Variants in HAUS7 observed in about 807,000 individuals in gnomAD.
HAUS7 encodes HAUS augmin-like complex subunit 7.
In HAUS7, 3 loss-of-function variants were observed where a neutral mutation model predicts 28.4. The ratio of observed to expected loss-of-function variants is 0.11; its 90% CI spans 0.05 to 0.27. The LOEUF (loss-of-function observed/expected upper bound fraction) is 0.27, where lower values mean the gene tolerates loss of function less well. Among genes scored for constraint, HAUS7 ranks in the 10% least tolerant of loss-of-function variants. The pLI is 1.00. For missense variants in HAUS7, 284 were observed against 297.3 expected (o/e 0.96, Z 0.33); for synonymous variants, 165 against 132.1 (o/e 1.25, Z -1.71).
intron 4 of HAUS7, among the ~76,000 whole-genome samples, chrX:153,457,532 A>G (rs1182670180): frequency 8.8e-6 from 1 of 113,352 alleles, no homozygotes; most frequent in Non-Finnish European, 1.9e-5. Context: ...CTGGGTGGGC[A>G]GGCAGCACAC....
At chrX:153,453,879 G>T (rs2089268845) in intron 9 of HAUS7, among the ~76,000 whole-genome samples, 2 of 107,251 alleles carry the variant, frequency 1.9e-5, no homozygotes, top group African/African-American at 6.8e-5. Flanking sequence ...GAGTACTGTG[G>T]CGTGACCTCA....
intron 4 of HAUS7, among the ~76,000 whole-genome samples, chrX:153,458,989 C>G (rs2089352511): frequency 8.9e-6 from 1 of 111,846 alleles, no homozygotes; most frequent in African/African-American, 3.3e-5. Context: ...AACTCCTGAG[C>G]TCAAGCGATC....
upstream of HAUS7, chrX:153,470,813 GGGCGGGGCGGACACCGGGAAGGA>G (rs1458723756): frequency 8.8e-4 from 379 of 433,034 alleles, 5 homozygotes; most frequent in African/African-American, 8.3e-3. Context: ...ACAGGGAAGG[GGGCGGGGCGGACACCGGGAAGGA>G]GGCGGGGCGG....
chrX:153,481,021 G>A, intron 1 of HAUS7: 2 of 754,557 alleles, frequency 2.7e-6, no homozygotes, highest in Non-Finnish European at 3.1e-6. Context: ...AACTGGCCAG[G>A]ACAGGCGGCC....
intron 1 of HAUS7, chrX:153,482,653 G>C: frequency 2.7e-6 from 2 of 745,347 alleles, no homozygotes; most frequent in South Asian, 6.8e-5. Flanking sequence ...GGGCAGGCAG[G>C]GGTTCTAGAG....
chrX:153,489,091 C>G (rs1251899916), intron 1 of HAUS7, among the ~76,000 whole-genome samples: 1 of 112,912 alleles, frequency 8.9e-6, no homozygotes, highest in Non-Finnish European at 1.9e-5. Context: ...CTCAGCCAAC[C>G]TGCACTCCGA....
chrX:153,469,345 G>A lies in HAUS7; in HGVS notation c.109-84C>T, dbSNP rs144491760. ...TTATTTATTTATTTATTTTTGAGACGGAGTCTCACTCTGTCGCCCAGCCTG... is the reference window on the plus strand; with the variant it reads ...TTATTTATTTATTTATTTTTGAGACAGAGTCTCACTCTGTCGCCCAGCCTG... On this transcript the variant is annotated intron_variant, in intron 1 of 9. Transcript: ENST00000370211. 3.2e-4 allele frequency: 156 copies of A among 481,037 alleles called. 1 individual carries two copies. The highest frequency in any genetic ancestry group is 3.2e-3 in the African/African-American group (132 of 41,368). The allele number at this position is 481,037 out of a possible 1,213,427, so 39.6% of individuals were successfully genotyped here.
chrX:153,486,491 C>G (rs2089638688), intron 1 of HAUS7: 1 of 450,756 alleles, frequency 2.2e-6, no homozygotes, highest in Non-Finnish European at 3.5e-6. Context: ...AGCCCGCCAT[C>G]ACTCCTCCAC....
intron 2 of HAUS7, among the ~76,000 whole-genome samples, chrX:153,466,923 G>A (rs782340643): frequency 3.7e-4 from 41 of 112,120 alleles, no homozygotes; most frequent in Non-Finnish European, 6.8e-4. Flanking sequence ...TCCAAAATCC[G>A]AAGAAATCGA....
intron 9 of HAUS7, among the ~76,000 whole-genome samples, chrX:153,452,415 A>T (rs991120586): frequency 1.6e-4 from 18 of 112,795 alleles, no homozygotes; most frequent in African/African-American, 5.2e-4. Context: ...TCTAATGGGC[A>T]AAGTTTTTGT....
intron 2 of HAUS7, among the ~76,000 whole-genome samples, chrX:153,468,160 G>A (rs1454410280): frequency 1.8e-5 from 2 of 112,482 alleles, no homozygotes; most frequent in African/African-American, 6.5e-5. Flanking sequence ...TCCTCTGGGG[G>A]CCTGTATCCA....
chrX:153,467,129 G>A (rs1445424295), intron 2 of HAUS7, among the ~76,000 whole-genome samples: 1 of 110,738 alleles, frequency 9.0e-6, no homozygotes. Context: ...CTGGGAGCTC[G>A]CTCAAGACCC....
chrX:153,460,821 G>T (rs55705754), intron 4 of HAUS7, among the ~76,000 whole-genome samples: 7,232 of 112,178 alleles, frequency 0.064, 443 homozygotes, highest in East Asian at 0.28. Flanking sequence ...AGCTGGCCGT[G>T]CCACCACCAT....
At chrX:153,494,655 G>A (rs1284231850) in intron 1 of HAUS7, among the ~76,000 whole-genome samples, 4 of 109,416 alleles carry the variant, frequency 3.7e-5, no homozygotes, top group Admixed American at 2.9e-4. Flanking sequence ...TCCCCATCTG[G>A]GCAGTGGAAA....
At chrX:153,495,209 G>C (rs950357840) in intron 1 of HAUS7, 28 of 111,217 alleles carry the variant, frequency 2.5e-4, no homozygotes, top group African/African-American at 8.9e-4. Flanking sequence ...TGTCCCCAGT[G>C]CCGCGAGGGT....
At chrX:153,470,401 G>GGCCCTCCCCGGTCCCCC (rs2089506307) in intron 1 of HAUS7, 49 bp downstream of exon 1, 1 of 1,176,089 alleles carries the variant, frequency 8.5e-7, no homozygotes, top group Admixed American at 2.3e-5. Context: ...CCTCGGGCGG[G>GGCCCTCCCCGGTCCCCC]GCCCTCCCCG....
chrX:153,467,337 G>A (rs781870975), intron 2 of HAUS7, among the ~76,000 whole-genome samples: 107 of 111,624 alleles, frequency 9.6e-4, no homozygotes, highest in African/African-American at 3.3e-3. Context: ...ATCTGCCACA[G>A]AGCACCCTGA....
intron 1 of HAUS7, among the ~76,000 whole-genome samples, chrX:153,480,051 G>A (rs2089589061): frequency 8.9e-6 from 1 of 112,090 alleles, no homozygotes; most frequent in African/African-American, 3.2e-5. Context: ...CCAGGTCGCA[G>A]CGACCCCTTC....
At chrX:153,470,317 G>A in intron 1 of HAUS7, 133 bp downstream of exon 1, 1 of 592,852 alleles carries the variant, frequency 1.7e-6, no homozygotes, top group East Asian at 3.6e-5. Context: ...CCTGCTGCAA[G>A]GGAACAGGGC....
Sources: allele counts gnomAD v4.1 joint callset (sites outside exome capture counted in the v4.1 genomes callset), GRCh38; gene constraint gnomAD v4.1.1; transcripts MANE v1.5; gene names NCBI Gene and HGNC (gene_info 2026-07-23, HGNC 2026-07-21).